DPYD: variants seen among roughly 807,000 people sequenced by gnomAD.
DPYD encodes dihydropyrimidine dehydrogenase, also known as dihydropyrimidine dehydrogenase [NADP(+)].
A neutral mutation model predicts 116.2 loss-of-function variants in DPYD; 109 were observed. The ratio of observed to expected loss-of-function variants is 0.94; its 90% CI spans 0.80 to 1.10. DPYD has a LOEUF of 1.10. Ranked by LOEUF, DPYD falls within the 50% of genes least tolerant of loss-of-function variation. The probability of loss-of-function intolerance (pLI) is 0.00; values close to 1 mark genes in which losing one functional copy is unlikely to be tolerated. For synonymous variants in DPYD, 440 were observed against 432.0 expected, an observed-to-expected ratio of 1.02 and a Z score of -0.23; for missense variants, 1,302 against 1,254.5, an observed-to-expected ratio of 1.04 and a Z score of -0.57.
intron 8 of DPYD, among the ~76,000 whole-genome samples, chr1:97,631,802 T>C (rs561316362): frequency 2.0e-5 from 3 of 152,018 alleles, no homozygotes; most frequent in South Asian, 2.1e-4. Flanking sequence ...TGTGTGGGGA[T>C]ATGGGGGATA....
At chr1:97,129,865 C>T (rs530467150) in intron 20 of DPYD, among the ~76,000 whole-genome samples, 31 of 152,272 alleles carry the variant, frequency 2.0e-4, no homozygotes, top group Non-Finnish European at 2.1e-4. Flanking sequence ...TCAACATCTC[C>T]GTTACCCATT....
At chr1:97,785,073 T>G (rs1021665716) in intron 3 of DPYD, among the ~76,000 whole-genome samples, 3 of 152,180 alleles carry the variant, frequency 2.0e-5, no homozygotes, top group African/African-American at 7.2e-5. Context: ...CTAATGAAAA[T>G]TATTCACATC....
At chr1:97,111,601 G>C (rs1259095443) in intron 20 of DPYD, among the ~76,000 whole-genome samples, 1 of 151,870 alleles carries the variant, frequency 6.6e-6, no homozygotes, top group Non-Finnish European at 1.5e-5. Flanking sequence ...ACCCAATCTA[G>C]AGTAGGCCTT....
chr1:97,831,355 C>G (rs534670660), intron 2 of DPYD, among the ~76,000 whole-genome samples: 2 of 152,314 alleles, frequency 1.3e-5, no homozygotes, highest in Non-Finnish European at 2.9e-5. Flanking sequence ...CCACCAATAA[C>G]ACTTCTCTAA....
At chr1:97,913,597 G>A (rs945103362) in intron 1 of DPYD, among the ~76,000 whole-genome samples, 4 of 152,058 alleles carry the variant, frequency 2.6e-5, no homozygotes, top group Non-Finnish European at 5.9e-5. Context: ...CTACTATTTT[G>A]CTGGCAATTT....
intron 2 of DPYD, among the ~76,000 whole-genome samples, chr1:97,839,311 G>A (rs1571446722): frequency 6.6e-6 from 1 of 152,176 alleles, no homozygotes; most frequent in East Asian, 1.9e-4. Flanking sequence ...ACAAAGTTAT[G>A]TAACAATAAT....
At chr1:97,670,130 A>G (rs1659777678) in intron 8 of DPYD, among the ~76,000 whole-genome samples, 1 of 152,180 alleles carries the variant, frequency 6.6e-6, no homozygotes, top group Non-Finnish European at 1.5e-5. Flanking sequence ...GTGATGTTCC[A>G]AAAGTCTTCT....
chr1:97,314,802 A>T (rs935962731), intron 16 of DPYD, among the ~76,000 whole-genome samples: 1 of 152,006 alleles, frequency 6.6e-6, no homozygotes, highest in Non-Finnish European at 1.5e-5. Context: ...TCACCTGGCC[A>T]TGGTAATGAA....
At chr1:97,469,453 T>C (rs1677521001) in intron 13 of DPYD, among the ~76,000 whole-genome samples, 1 of 141,908 alleles carries the variant, frequency 7.0e-6, no homozygotes, top group African/African-American at 2.7e-5. Context: ...ATGCCAGTAT[T>C]TCCTCAGAAA....
chr1:97,871,823 T>C (rs1299332741), intron 2 of DPYD, among the ~76,000 whole-genome samples: 2 of 151,804 alleles, frequency 1.3e-5, no homozygotes, highest in Non-Finnish European at 2.9e-5. Flanking sequence ...CTATCCACTA[T>C]CATGATGTGC....
At chr1:97,525,539 T>C (rs572055444) in intron 12 of DPYD, among the ~76,000 whole-genome samples, 2 of 152,278 alleles carry the variant, frequency 1.3e-5, no homozygotes, top group South Asian at 4.1e-4. Flanking sequence ...TGTATTAGAC[T>C]AGTGACCTTG....
intron 20 of DPYD, among the ~76,000 whole-genome samples, chr1:97,164,043 C>G (rs779906897): frequency 1.3e-5 from 2 of 152,100 alleles, no homozygotes; most frequent in Non-Finnish European, 2.9e-5. Context: ...TACTGGCAAA[C>G]CAAATTCAGA....
At chr1:97,862,570 T>A (rs1201351734) in intron 2 of DPYD, among the ~76,000 whole-genome samples, 1 of 151,914 alleles carries the variant, frequency 6.6e-6, no homozygotes, top group Admixed American at 6.6e-5. Context: ...TAAAATTTTG[T>A]CTATTTGTTT....
At chr1:97,283,634 A>G (rs781318321) in intron 18 of DPYD, among the ~76,000 whole-genome samples, 5 of 152,162 alleles carry the variant, frequency 3.3e-5, no homozygotes, top group Non-Finnish European at 7.4e-5. Context: ...TCAATTTGAA[A>G]TAAACGCTGT....
intron 5 of DPYD, 77 bp from the exon 6 acceptor site, chr1:97,699,624 C>A (rs748849974): frequency 7.0e-7 from 1 of 1,421,772 alleles, no homozygotes. Flanking sequence ...ATGTTTCAAA[C>A]GAATTCTTGT....
At chr1:97,416,332 G>A (rs1674287916) in intron 14 of DPYD, among the ~76,000 whole-genome samples, 1 of 152,172 alleles carries the variant, frequency 6.6e-6, no homozygotes, top group South Asian at 2.1e-4. Flanking sequence ...AATAGTTCAT[G>A]TGGAGCTATA....
chr1:97,577,658 T>C (rs1653356508), intron 10 of DPYD, among the ~76,000 whole-genome samples: 1 of 152,114 alleles, frequency 6.6e-6, no homozygotes, highest in Non-Finnish European at 1.5e-5. Flanking sequence ...GTCCCAATCA[T>C]TGAAGGAATG....
intron 8 of DPYD, among the ~76,000 whole-genome samples, chr1:97,650,964 A>G (rs748852667): frequency 2.0e-5 from 3 of 152,112 alleles, no homozygotes; most frequent in African/African-American, 4.8e-5. Flanking sequence ...AAATTGTTCA[A>G]TCATAAAATG....
chr1:97,579,169 C>A (rs938039011), intron 10 of DPYD, among the ~76,000 whole-genome samples: 1 of 152,080 alleles, frequency 6.6e-6, no homozygotes, highest in East Asian at 1.9e-4. Flanking sequence ...AATAAGCCAA[C>A]GAAGAGGCAT....
Sources: gnomAD v4.1 joint callset for allele counts (sites outside exome capture counted in the v4.1 genomes callset) on GRCh38, gnomAD v4.1.1 for gene constraint, MANE v1.5 for transcripts, NCBI Gene and HGNC (gene_info 2026-07-23, HGNC 2026-07-21) for gene names.